Variants in WNT7A observed in about 807,000 individuals in gnomAD.
WNT7A encodes the protein protein Wnt-7a.
A neutral mutation model predicts 28.2 loss-of-function variants in WNT7A; 16 were observed. The ratio of observed to expected loss-of-function variants is 0.57; its 90% CI spans 0.38 to 0.86. WNT7A has a LOEUF of 0.86. Ranked by LOEUF, WNT7A falls within the 40% of genes least tolerant of loss-of-function variation. The pLI, the probability that WNT7A is intolerant of heterozygous loss-of-function variation, is 0.00. For missense variants in WNT7A, 411 were observed against 489.7 expected (o/e 0.84, Z 1.52); for synonymous variants, 190 against 195.9 (o/e 0.97, Z 0.25).
intron 3 of WNT7A, among the ~76,000 whole-genome samples, chr3:13,820,674 A>T (rs968693757): frequency 1.3e-5 from 2 of 152,136 alleles, no homozygotes; most frequent in African/African-American, 4.8e-5. Context: ...CCCGTTCAAG[A>T]TGCTGGGGAT....
intron 3 of WNT7A, among the ~76,000 whole-genome samples, chr3:13,823,027 C>G (rs1480603778): frequency 6.6e-6 from 1 of 152,220 alleles, no homozygotes; most frequent in Non-Finnish European, 1.5e-5. Flanking sequence ...CCTGCTAGCC[C>G]TGCACACTCT....
chr3:13,867,204 A>C (rs534013418), intron 2 of WNT7A, among the ~76,000 whole-genome samples: 1 of 152,254 alleles, frequency 6.6e-6, no homozygotes, highest in South Asian at 2.1e-4. Flanking sequence ...CCCATTCTGC[A>C]GACTGTCAGA....
At chr3:13,873,860 G>A (rs1345861780) in intron 2 of WNT7A, among the ~76,000 whole-genome samples, 1 of 152,210 alleles carries the variant, frequency 6.6e-6, no homozygotes. Context: ...GGACAAGGCT[G>A]AGTGAGCAAG....
At chr3:13,868,930 G>A (rs189902009) in intron 2 of WNT7A, among the ~76,000 whole-genome samples, 2 of 133,580 alleles carry the variant, frequency 1.5e-5, no homozygotes, top group South Asian at 2.6e-4. Flanking sequence ...AAGGAAAGAA[G>A]GAAGGAAGGA....
At chr3:13,852,985 A>G (rs1694664251) in intron 3 of WNT7A, among the ~76,000 whole-genome samples, 1 of 152,064 alleles carries the variant, frequency 6.6e-6, no homozygotes. Context: ...CTGAGATGGG[A>G]GGGCTGTTCC....
At chr3:13,847,251 C>G (rs1694551992) in intron 3 of WNT7A, among the ~76,000 whole-genome samples, 1 of 152,216 alleles carries the variant, frequency 6.6e-6, no homozygotes, top group African/African-American at 2.4e-5. Context: ...CCCAGACACC[C>G]TGGCCTGGTC....
rs780557779 is a variant in WNT7A, at chr3:13,854,669, C to T, written c.433G>A (p.Glu145Lys). ...KEKQGQYHRD[E>K]GWKWGGCSAD... ...GAGCAGCCACCCCACTTCCAGCCCT[C>T]GTCCCGGTGGTACTGGCCTTGCTTC... is the stretch of plus-strand genomic sequence containing the variant. Residue 145 changes from glutamate (E) to lysine (K), a missense_variant, in exon 3 of 4, where the codon GAG becomes AAG. By Grantham distance (56) the Glu-to-Lys change is moderately conservative (BLOSUM62 1). Transcript: ENST00000285018. The T allele has an allele frequency of 3.8e-5, 62 of 1,614,074 alleles. No individual in the cohort carries two copies. The highest frequency in any genetic ancestry group is 6.7e-5 in the East Asian group (3 of 44,882).
intron 3 of WNT7A, 34 bp from the exon 4 acceptor site, chr3:13,819,457 G>T: frequency 6.2e-7 from 1 of 1,604,428 alleles, no homozygotes; most frequent in African/African-American, 1.3e-5. Context: ...CACAGCACAG[G>T]TCACTGCACG....
intron 3 of WNT7A, among the ~76,000 whole-genome samples, chr3:13,823,554 C>T (rs888118966): frequency 6.6e-6 from 1 of 152,172 alleles, no homozygotes; most frequent in African/African-American, 2.4e-5. Context: ...CAAGGAAAAG[C>T]CATGGCAAAG....
At chr3:13,872,520 T>G (rs780751461) in intron 2 of WNT7A, among the ~76,000 whole-genome samples, 6 of 152,116 alleles carry the variant, frequency 3.9e-5, no homozygotes, top group Non-Finnish European at 8.8e-5. Context: ...AGCTCCTATT[T>G]CCTTCCAGGC....
At chr3:13,847,553 T>C (rs183617600) in intron 3 of WNT7A, among the ~76,000 whole-genome samples, 237 of 152,306 alleles carry the variant, frequency 1.6e-3, no homozygotes, top group African/African-American at 5.4e-3. Flanking sequence ...GAGGCCACCG[T>C]CCTTGACAGT....
intron 3 of WNT7A, among the ~76,000 whole-genome samples, chr3:13,844,901 T>C (rs1454268025): frequency 6.6e-6 from 1 of 152,110 alleles, no homozygotes; most frequent in East Asian, 1.9e-4. Context: ...CTCCCATCAC[T>C]TGGCTCCCCT....
At chr3:13,851,182 T>C (rs561463791) in intron 3 of WNT7A, among the ~76,000 whole-genome samples, 1 of 152,268 alleles carries the variant, frequency 6.6e-6, no homozygotes, top group African/African-American at 2.4e-5. Flanking sequence ...CACTCTGTAC[T>C]CCACTCTATC....
chr3:13,848,123 T>A (rs992942965), intron 3 of WNT7A, among the ~76,000 whole-genome samples: 2 of 151,438 alleles, frequency 1.3e-5, no homozygotes, highest in African/African-American at 4.9e-5. Context: ...GGAAAAAAAA[T>A]ATGGCAAAAT....
intron 2 of WNT7A, among the ~76,000 whole-genome samples, chr3:13,872,176 A>T (rs1033300212): frequency 6.6e-6 from 1 of 152,160 alleles, no homozygotes; most frequent in Non-Finnish European, 1.5e-5. Flanking sequence ...GCATGAATAA[A>T]TCAACAAGTA....
At chr3:13,828,242 G>A (rs1694228852) in intron 3 of WNT7A, among the ~76,000 whole-genome samples, 5 of 152,192 alleles carry the variant, frequency 3.3e-5, no homozygotes, top group Admixed American at 3.3e-4. Context: ...GGAATGCAGG[G>A]GCCAGAGCTG....
chr3:13,843,591 A>C (rs1377183723), intron 3 of WNT7A, among the ~76,000 whole-genome samples: 1 of 152,118 alleles, frequency 6.6e-6, no homozygotes, highest in Non-Finnish European at 1.5e-5. Context: ...GGGACTGAGC[A>C]GTACCCAACC....
At chr3:13,826,584 G>T (rs1353946434) in intron 3 of WNT7A, among the ~76,000 whole-genome samples, 1 of 152,088 alleles carries the variant, frequency 6.6e-6, no homozygotes, top group Middle Eastern at 3.2e-3. Flanking sequence ...AGAAAGAGGG[G>T]AATCTGGGGA....
intron 3 of WNT7A, 44 bp downstream of exon 3, chr3:13,854,488 G>T: frequency 6.2e-7 from 1 of 1,612,800 alleles, no homozygotes. Context: ...CCATTTTGCA[G>T]CATCTCCGCG....
Sources: allele counts gnomAD v4.1 joint callset (sites outside exome capture counted in the v4.1 genomes callset), GRCh38; gene constraint gnomAD v4.1.1; transcripts MANE v1.5; gene names NCBI Gene and HGNC (gene_info 2026-07-23, HGNC 2026-07-21).